Variants in PDE4B observed in about 807,000 individuals in gnomAD.
The protein encoded by PDE4B is phosphodiesterase 4B.
Under a neutral mutation model 82.2 loss-of-function variants are expected in PDE4B, and 20 were observed. The ratio of observed to expected loss-of-function variants is 0.24; its 90% CI spans 0.17 to 0.35. PDE4B has a LOEUF of 0.35. Ranked by LOEUF, PDE4B falls within the 10% of genes least tolerant of loss-of-function variation. The pLI is 1.00. For synonymous variants in PDE4B, 320 were observed against 318.9 expected (o/e 1.00, Z -0.04); for missense variants, 655 against 907.2 (o/e 0.72, Z 3.57).
At chr1:65,932,415 G>T (rs1430836704) in intron 3 of PDE4B, among the ~76,000 whole-genome samples, 1 of 152,068 alleles carries the variant, frequency 6.6e-6, no homozygotes, top group African/African-American at 2.4e-5. Flanking sequence ...TAAGAACAAA[G>T]AAAACAGATT....
At chr1:65,848,927 G>A (rs6681607) in intron 1 of PDE4B, among the ~76,000 whole-genome samples, 131,511 of 152,088 alleles carry the variant, frequency 0.86, 57,604 homozygotes, top group Non-Finnish European at 0.94. Flanking sequence ...CAAGAGACAG[G>A]AACCACACCA....
At chr1:65,838,057 G>C (rs899591402) in intron 1 of PDE4B, among the ~76,000 whole-genome samples, 6 of 152,128 alleles carry the variant, frequency 3.9e-5, no homozygotes, top group Non-Finnish European at 1.5e-5. Context: ...AAAAATAAAT[G>C]CATTTTATTT....
At chr1:65,907,197 TAAG>T (rs1647036709) in intron 1 of PDE4B, among the ~76,000 whole-genome samples, 1 of 152,134 alleles carries the variant, frequency 6.6e-6, no homozygotes. Context: ...CATATTAAAA[TAAG>T]AAAGCAGCAA....
intron 3 of PDE4B, among the ~76,000 whole-genome samples, chr1:66,189,490 C>G (rs533364811): frequency 1.3e-3 from 192 of 152,294 alleles, no homozygotes; most frequent in Non-Finnish European, 1.5e-3. Flanking sequence ...TAGATTTGGC[C>G]TTTTCACATA....
chr1:65,865,591 G>A (rs1286082856), intron 1 of PDE4B, among the ~76,000 whole-genome samples: 3 of 152,138 alleles, frequency 2.0e-5, no homozygotes, highest in Non-Finnish European at 4.4e-5. Context: ...GTGCTAGGTG[G>A]GCCCAATAGC....
intron 1 of PDE4B, among the ~76,000 whole-genome samples, chr1:65,902,203 A>G (rs547103642): frequency 6.6e-6 from 1 of 152,172 alleles, no homozygotes; most frequent in Non-Finnish European, 1.5e-5. Context: ...TTTATGGATG[A>G]GTCTGTGGTT....
chr1:66,032,300 A>C (rs1653821991), intron 3 of PDE4B, among the ~76,000 whole-genome samples: 1 of 152,240 alleles, frequency 6.6e-6, no homozygotes, highest in Non-Finnish European at 1.5e-5. Context: ...CCATAGAGAT[A>C]ATGCTACTCA....
chr1:65,884,048 A>G (rs1321254447), intron 1 of PDE4B, among the ~76,000 whole-genome samples: 4 of 152,030 alleles, frequency 2.6e-5, no homozygotes, highest in Non-Finnish European at 4.4e-5. Context: ...GTGCTGCTGG[A>G]TTTGGTTTGC....
At chr1:66,090,865 A>G (rs994113845) in intron 3 of PDE4B, among the ~76,000 whole-genome samples, 5 of 151,848 alleles carry the variant, frequency 3.3e-5, no homozygotes, top group African/African-American at 1.2e-4. Flanking sequence ...TATGACGGGA[A>G]CTAGAGAATG....
chr1:66,204,745 T>C (rs972514956), intron 3 of PDE4B, among the ~76,000 whole-genome samples: 2 of 152,206 alleles, frequency 1.3e-5, no homozygotes, highest in African/African-American at 4.8e-5. Flanking sequence ...GTGCCATCTG[T>C]CAACCTTTTC....
intron 1 of PDE4B, among the ~76,000 whole-genome samples, chr1:65,798,304 T>C (rs1239803712): frequency 3.4e-5 from 2 of 58,278 alleles, no homozygotes; most frequent in Non-Finnish European, 5.3e-5. Flanking sequence ...CAGGTCGGAC[T>C]GCGGACTGCA....
intron 3 of PDE4B, among the ~76,000 whole-genome samples, chr1:66,226,408 T>C (rs960203767): frequency 3.6e-4 from 54 of 152,108 alleles, no homozygotes; most frequent in Non-Finnish European, 5.9e-5. Context: ...AGAAATGCAA[T>C]TAAGTTAATA....
At chr1:65,893,203 T>A (rs1646871265) in intron 1 of PDE4B, among the ~76,000 whole-genome samples, 1 of 152,126 alleles carries the variant, frequency 6.6e-6, no homozygotes, top group South Asian at 2.1e-4. Flanking sequence ...AACTCATTAG[T>A]GGACTTATTT....
Position 65,819,854 on chromosome 1 carries a change from A to T in PDE4B, c.-71+26606A>T, listed in dbSNP as rs187452473. Among the ~76,000 whole-genome samples the T allele has an allele frequency of 3.1e-4, 47 of 152,268 alleles. 1 individual carries two copies. Among genetic ancestry groups the T allele is most frequent in the South Asian group, 2.5e-3 (12 of 4,818 alleles). On this transcript the variant is annotated intron_variant, in intron 1 of 16. Coordinates refer to ENST00000341517, the MANE Select transcript of PDE4B (RefSeq NM_002600.4). ...ATGAAATTAGTTGCTGTGACTGTAA[A>T]AGAATTACAGAAGGAATGACCGCAG...
chr1:66,037,597 A>G (rs1488490539), intron 3 of PDE4B, among the ~76,000 whole-genome samples: 1 of 151,964 alleles, frequency 6.6e-6, no homozygotes, highest in Non-Finnish European at 1.5e-5. Flanking sequence ...TCCTATTTTG[A>G]TGCCTTTTAT....
At chr1:66,087,386 G>A (rs1020703655) in intron 3 of PDE4B, among the ~76,000 whole-genome samples, 3 of 152,022 alleles carry the variant, frequency 2.0e-5, no homozygotes, top group African/African-American at 7.2e-5. Context: ...TGTAGATTCT[G>A]GATATTAGCC....
chr1:66,025,317 A>G (rs376948653), intron 3 of PDE4B, among the ~76,000 whole-genome samples: 24 of 152,314 alleles, frequency 1.6e-4, no homozygotes, highest in African/African-American at 5.8e-4. Context: ...CTTTCAATAT[A>G]AAAGTACTAT....
intron 3 of PDE4B, among the ~76,000 whole-genome samples, chr1:65,936,095 A>G (rs1252840151): frequency 6.6e-6 from 1 of 152,056 alleles, no homozygotes; most frequent in African/African-American, 2.4e-5. Flanking sequence ...AAGCACACAC[A>G]ATAGCCTAGG....
chr1:66,093,973 A>C (rs1427567441), intron 3 of PDE4B, among the ~76,000 whole-genome samples: 2 of 152,070 alleles, frequency 1.3e-5, no homozygotes, highest in Non-Finnish European at 2.9e-5. Flanking sequence ...GCACAGTTTT[A>C]GGTATTCTGG....
Sources: allele counts gnomAD v4.1 joint callset (sites outside exome capture counted in the v4.1 genomes callset), GRCh38; gene constraint gnomAD v4.1.1; transcripts MANE v1.5; gene names NCBI Gene and HGNC (gene_info 2026-07-23, HGNC 2026-07-21).